Variants in GPR137C observed in about 807,000 individuals in gnomAD.
GPR137C encodes the protein integral membrane protein GPR137C.
A neutral mutation model predicts 43.4 loss-of-function variants in GPR137C; 27 were observed. That is an observed-to-expected ratio of 0.62 (90% CI 0.46 to 0.86). The LOEUF is 0.86. GPR137C is among the 40% of genes least tolerant of loss of function. The probability of loss-of-function intolerance (pLI) is 0.00; values close to 1 mark genes in which losing one functional copy is unlikely to be tolerated. For synonymous variants in GPR137C, 285 were observed against 226.9 expected (o/e 1.26, Z -2.30); for missense variants, 522 against 534.6 (o/e 0.98, Z 0.23).
intron 1 of GPR137C, chr14:52,597,065 G>A (rs2038865677): frequency 2.2e-6 from 1 of 445,486 alleles, no homozygotes; most frequent in Non-Finnish European, 4.5e-6. Context: ...ATGAGTAGAT[G>A]CACAGGCATC....
At position 52,598,295 on chromosome 14, in the gene GPR137C, C is replaced by T. The variant is rs769366204; in HGVS notation, c.468C>T (p.Ala156=). Residue 156 remains alanine, a synonymous_variant, in exon 2 of 7, where the codon GCC becomes GCT. Transcript: ENST00000321662. ...LAEVICKVRC[A]TELDRHKILL... is the part of the protein sequence containing the mutation. The stretch of plus-strand genomic sequence containing the variant: ...AGGTTATATGTAAAGTCAGATGTGC[C>T]ACTGAACTTGACAGACACAAGTAAG... The T allele has an allele frequency of 2.2e-4, 309 of 1,402,740 alleles. No individual in the cohort carries two copies. Among genetic ancestry groups the T allele is most frequent in the Non-Finnish European group, 2.9e-4 (294 of 1,030,674 alleles). The allele number at this position is 1,402,740 out of a possible 1,614,324, so 86.9% of individuals were successfully genotyped here.
At chr14:52,577,799 CAAAAAA>C (rs564080315) in intron 1 of GPR137C, among the ~76,000 whole-genome samples, 14 of 104,220 alleles carry the variant, frequency 1.3e-4, no homozygotes, top group South Asian at 9.5e-4. Flanking sequence ...ACCATCTCTA[CAAAAAA>C]AAAAAAAAAA....
chr14:52,585,056 C>T (rs778864335), intron 1 of GPR137C, among the ~76,000 whole-genome samples: 39 of 152,092 alleles, frequency 2.6e-4, no homozygotes, highest in Non-Finnish European at 4.6e-4. Context: ...TTTTCATATT[C>T]CAGTGCTTAA....
intron 3 of GPR137C, among the ~76,000 whole-genome samples, chr14:52,607,112 A>G (rs1315034151): frequency 6.6e-6 from 1 of 152,142 alleles, no homozygotes; most frequent in Non-Finnish European, 1.5e-5. Flanking sequence ...TCCTCCTGTT[A>G]CTGATTTCTA....
chr14:52,627,711 G>A (rs1010806361), intron 3 of GPR137C, among the ~76,000 whole-genome samples: 1 of 152,022 alleles, frequency 6.6e-6, no homozygotes, highest in Non-Finnish European at 1.5e-5. Flanking sequence ...GGTCATGGTG[G>A]CACGTGCCTG....
chr14:52,568,603 G>T (rs2038411149), intron 1 of GPR137C, among the ~76,000 whole-genome samples: 1 of 152,196 alleles, frequency 6.6e-6, no homozygotes, highest in Non-Finnish European at 1.5e-5. Context: ...CTGGAGCTTG[G>T]TGGGGGGAGG....
intron 3 of GPR137C, among the ~76,000 whole-genome samples, chr14:52,622,930 C>T (rs928773832): frequency 1.3e-5 from 2 of 152,022 alleles, no homozygotes; most frequent in African/African-American, 4.8e-5. Flanking sequence ...ATAGTCACTG[C>T]CGGTACAGTT....
In GPR137C at chr14:52,632,273, T is replaced by A. The variant is rs1269138663; in HGVS notation, c.831T>A (p.Ser277Arg). The part of the protein sequence containing the change: ...VVTISQDTLE[S>R]PFNYGWDNLS... Reference sequence around the variant, plus strand: ...CCATATCTCAGGATACATTAGAAAGTCCATTTAATTATGGCTGGGATAATC... The same window carrying A: ...CCATATCTCAGGATACATTAGAAAGACCATTTAATTATGGCTGGGATAATC... The change falls in exon 4 of 7, where the codon AGT (serine) becomes AGA (arginine). Residue 277 changes from serine to arginine, a missense_variant. By Grantham distance (110) the Ser-to-Arg change is moderately radical. Around this residue, in one of 3 missense-constraint regions of GPR137C, gnomAD observed 437 missense variants for 425.7 expected, o/e 1.03. Transcript: ENST00000321662. The A allele has an allele frequency of 3.7e-6, 6 of 1,610,920 alleles. No homozygotes were observed. Among genetic ancestry groups the A allele is most frequent in the Non-Finnish European group, 5.1e-6 (6 of 1,177,642 alleles).
chr14:52,569,636 G>T (rs538423918), intron 1 of GPR137C, among the ~76,000 whole-genome samples: 9 of 151,690 alleles, frequency 5.9e-5, no homozygotes, highest in African/African-American at 1.9e-4. Context: ...TGAGAACTTC[G>T]TGAAGCATAC....
intron 3 of GPR137C, among the ~76,000 whole-genome samples, chr14:52,630,352 A>G (rs978339572): frequency 2.6e-5 from 4 of 152,138 alleles, no homozygotes; most frequent in Non-Finnish European, 1.5e-5. Context: ...GAGGATGGTA[A>G]TTCTTACAGC....
At chr14:52,573,798 C>T (rs947069986) in intron 1 of GPR137C, among the ~76,000 whole-genome samples, 11 of 152,144 alleles carry the variant, frequency 7.2e-5, no homozygotes, top group East Asian at 1.9e-4. Context: ...CCTACAGAAT[C>T]GGAGGAAATT....
chr14:52,617,018 T>C (rs1054392445), intron 3 of GPR137C, among the ~76,000 whole-genome samples: 4 of 152,240 alleles, frequency 2.6e-5, no homozygotes, highest in Non-Finnish European at 5.9e-5. Flanking sequence ...AAAGATATTT[T>C]GCCCAGATTC....
chr14:52,555,144 G>A (rs912949681), intron 1 of GPR137C, among the ~76,000 whole-genome samples: 4 of 152,012 alleles, frequency 2.6e-5, no homozygotes, highest in African/African-American at 4.8e-5. Context: ...TTTACTCCAG[G>A]TTCAGATGTT....
chr14:52,625,530 ATCTTTTTTTTT>A, intron 3 of GPR137C, among the ~76,000 whole-genome samples: 1 of 85,106 alleles, frequency 1.2e-5, no homozygotes, highest in African/African-American at 4.3e-5. Context: ...GGAAGAACAC[ATCTTTTTTTTT>A]TTTTTTTTTT....
rs1320726030 is a variant in GPR137C at position 52,637,696 on chromosome 14, A to G, written c.*2581A>G. The stretch of plus-strand genomic sequence containing the variant: ...TAACAAAACACTACTATTAAAAATA[A>G]AAGTGTTTGTGCTTTTATTTAGAGT... On this transcript the variant is annotated 3_prime_UTR_variant, in exon 7 of 7. Transcript: ENST00000321662. 1.3e-5 allele frequency: 2 copies of G among 152,140 alleles called. No homozygotes were observed. Among genetic ancestry groups the G allele is most frequent in the Non-Finnish European group, 2.9e-5 (2 of 68,018 alleles). The allele number at this position is 152,140 out of a possible 1,614,324, so 9.4% of individuals were successfully genotyped here.
At chr14:52,558,413 A>C (rs2038228026) in intron 1 of GPR137C, among the ~76,000 whole-genome samples, 1 of 152,222 alleles carries the variant, frequency 6.6e-6, no homozygotes, top group Non-Finnish European at 1.5e-5. Context: ...TGGGAATGCA[A>C]AATAAGCTCA....
intron 1 of GPR137C, among the ~76,000 whole-genome samples, chr14:52,576,721 A>G (rs2038558349): frequency 6.6e-6 from 1 of 152,216 alleles, no homozygotes; most frequent in Non-Finnish European, 1.5e-5. Context: ...ATTCTACCCT[A>G]CAACCACAGA....
rs1044389458 is a variant in GPR137C, at chr14:52,633,267, T to C, written c.868-263T>C. Among the ~76,000 whole-genome samples the C allele has an allele frequency of 4.6e-5, 7 of 152,254 alleles. 1 individual carries two copies. In the South Asian group the frequency reaches 6.2e-4, roughly 14 times the overall value. On this transcript the variant is annotated intron_variant, in intron 4 of 6. Transcript: ENST00000321662. ...TGGGGCCTAAATAGGAGATCACTCC[T>C]TATTATCCATATATTAAAATTGTCA...
chr14:52,564,290 A>AC (rs1351693121), intron 1 of GPR137C, among the ~76,000 whole-genome samples: 1 of 151,174 alleles, frequency 6.6e-6, no homozygotes, highest in African/African-American at 2.4e-5. Flanking sequence ...AAAAAAAAAA[A>AC]AAGCCCCACT....
Sources: gnomAD v4.1 joint callset for allele counts (sites outside exome capture counted in the v4.1 genomes callset) on GRCh38, gnomAD v4.1.1 for gene constraint, gnomAD v4.1.1 regional missense constraint, MANE v1.5 for transcripts, NCBI Gene and HGNC (gene_info 2026-07-23, HGNC 2026-07-21) for gene names.